Variants in RGS6 observed in about 807,000 individuals in gnomAD.
The protein encoded by RGS6 is regulator of G-protein signaling 6.
In RGS6, 30 loss-of-function variants were observed where a neutral mutation model predicts 78.5. That is an observed-to-expected ratio of 0.38 (90% CI 0.29 to 0.52). The LOEUF (loss-of-function observed/expected upper bound fraction) is 0.52. Among genes scored for constraint, RGS6 ranks in the 20% least tolerant of loss-of-function variants. The probability of loss-of-function intolerance (pLI) is 0.85; values close to 1 mark genes in which losing one functional copy is unlikely to be tolerated. For synonymous variants in RGS6, 206 were observed against 206.0 expected, an observed-to-expected ratio of 1.00 and a Z score of 0.00; for missense variants, 495 against 609.7, an observed-to-expected ratio of 0.81 and a Z score of 1.98.
intron 2 of RGS6, among the ~76,000 whole-genome samples, chr14:72,078,808 G>A (rs2094698128): frequency 6.6e-6 from 1 of 152,014 alleles, no homozygotes; most frequent in African/African-American, 2.4e-5. Flanking sequence ...CTGAATCCAA[G>A]CCTCCAACTT....
intron 15 of RGS6, among the ~76,000 whole-genome samples, chr14:72,527,381 G>A (rs1347463322): frequency 6.6e-6 from 1 of 152,224 alleles, no homozygotes; most frequent in Non-Finnish European, 1.5e-5. Flanking sequence ...TGTGAGAAGA[G>A]CGTGAGCTTT....
chr14:72,376,442 A>C (rs2084741102), intron 3 of RGS6, among the ~76,000 whole-genome samples: 1 of 152,198 alleles, frequency 6.6e-6, no homozygotes, highest in Non-Finnish European at 1.5e-5. Context: ...TATTTAATGA[A>C]ATAATACGTG....
intron 2 of RGS6, among the ~76,000 whole-genome samples, chr14:72,197,407 C>G (rs966951682): frequency 6.6e-6 from 1 of 152,054 alleles, no homozygotes; most frequent in Non-Finnish European, 1.5e-5. Context: ...GCCAGAGTGC[C>G]TAGCTCACAC....
At chr14:72,119,169 GA>G (rs2095984674) in intron 2 of RGS6, among the ~76,000 whole-genome samples, 1 of 152,182 alleles carries the variant, frequency 6.6e-6, no homozygotes, top group Non-Finnish European at 1.5e-5. Flanking sequence ...ATGTAAAAAG[GA>G]AGGGAAGGAA....
chr14:72,171,438 C>T (rs1346585215), intron 2 of RGS6, among the ~76,000 whole-genome samples: 55 of 152,214 alleles, frequency 3.6e-4, no homozygotes, highest in Non-Finnish European at 1.0e-4. Context: ...TCAGTCTGTA[C>T]TAGCAATAGT....
At chr14:72,220,961 A>G (rs1446432474) in intron 2 of RGS6, among the ~76,000 whole-genome samples, 1 of 152,196 alleles carries the variant, frequency 6.6e-6, no homozygotes, top group Admixed American at 6.5e-5. Flanking sequence ...CAACCTCCCT[A>G]AATCCTCCTT....
chr14:72,563,654 T>G lies in RGS6; in HGVS notation c.*1187T>G, dbSNP rs979061608. On this transcript the variant is annotated 3_prime_UTR_variant, in exon 18 of 18. Coordinates refer to ENST00000553525, the MANE Select transcript of RGS6 (RefSeq NM_001204424.2). ...AAAAGATCCACCTGTATTCCCTGTGTGTGTGTGTCAAAATGACCATTTGCC... is the reference window on the plus strand; with the variant it reads ...AAAAGATCCACCTGTATTCCCTGTGGGTGTGTGTCAAAATGACCATTTGCC... 7 of 152,300 alleles carry G rather than the reference T, an allele frequency of 4.6e-5. No individual in the cohort carries two copies. Among genetic ancestry groups the G allele is most frequent in the Non-Finnish European group, 1.0e-4 (7 of 68,078 alleles). 9.4% of individuals were successfully genotyped at this position (152,300 alleles called of 1,614,324 possible).
At chr14:71,982,418 A>T (rs138076875) in intron 2 of RGS6, among the ~76,000 whole-genome samples, 13 of 152,200 alleles carry the variant, frequency 8.5e-5, no homozygotes, top group African/African-American at 2.9e-4. Flanking sequence ...GAACTTAACT[A>T]TTTTTTTCTT....
At chr14:72,114,329 T>G (rs1376158499) in intron 2 of RGS6, among the ~76,000 whole-genome samples, 1 of 152,178 alleles carries the variant, frequency 6.6e-6, no homozygotes, top group Non-Finnish European at 1.5e-5. Context: ...CCTGCCAGTC[T>G]CTCTTTGTTT....
chr14:72,277,052 C>T (rs1384613029), intron 2 of RGS6, among the ~76,000 whole-genome samples: 1 of 152,140 alleles, frequency 6.6e-6, no homozygotes, highest in Non-Finnish European at 1.5e-5. Flanking sequence ...GGTATTCAAT[C>T]CATACATATT....
chr14:72,488,204 G>A (rs1435868816), intron 12 of RGS6, among the ~76,000 whole-genome samples: 7 of 152,116 alleles, frequency 4.6e-5, no homozygotes, highest in South Asian at 4.1e-4. Flanking sequence ...TTAGTTGCTC[G>A]TAATGACTTT....
At chr14:72,623,925 A>G in the RGS6 span, among the ~76,000 whole-genome samples, 1 of 152,070 alleles carries the variant, frequency 6.6e-6, no homozygotes, top group Admixed American at 6.5e-5. Context: ...TACATATTAC[A>G]AAGTAAGGAA....
chr14:72,166,083 C>T (rs1467959088), intron 2 of RGS6, among the ~76,000 whole-genome samples: 1 of 141,798 alleles, frequency 7.1e-6, no homozygotes, highest in African/African-American at 2.7e-5. Flanking sequence ...CCTTCTAGTC[C>T]CATTTTTGAG....
chr14:72,018,954 T>C (rs1352897246), intron 2 of RGS6, among the ~76,000 whole-genome samples: 1 of 152,170 alleles, frequency 6.6e-6, no homozygotes, highest in Non-Finnish European at 1.5e-5. Flanking sequence ...TGAGTGTGAA[T>C]GTGTGTCTTC....
chr14:72,142,914 A>T (rs1219062958), intron 2 of RGS6, among the ~76,000 whole-genome samples: 1 of 152,212 alleles, frequency 6.6e-6, no homozygotes, highest in Non-Finnish European at 1.5e-5. Flanking sequence ...TCAGATGGAT[A>T]TAAATTAGTA....
At chr14:71,910,669 T>TG in the RGS6 span, among the ~76,000 whole-genome samples, 1 of 152,060 alleles carries the variant, frequency 6.6e-6, no homozygotes, top group Non-Finnish European at 1.5e-5. Context: ...ACAGCAGCAT[T>TG]GGGTAAAGAG....
intron 2 of RGS6, among the ~76,000 whole-genome samples, chr14:72,316,456 G>A (rs759588171): frequency 1.1e-3 from 164 of 152,140 alleles, no homozygotes; most frequent in Non-Finnish European, 1.4e-3. Flanking sequence ...CTCATCATTC[G>A]TGTCCCACCT....
At chr14:72,471,288 G>A (rs2096071433) in intron 8 of RGS6, among the ~76,000 whole-genome samples, 1 of 152,102 alleles carries the variant, frequency 6.6e-6, no homozygotes, top group African/African-American at 2.4e-5. Flanking sequence ...GGTACTCTAT[G>A]TTCCCCACCC....
intron 13 of RGS6, among the ~76,000 whole-genome samples, chr14:72,498,743 G>C (rs140230118): frequency 6.5e-4 from 99 of 152,264 alleles, no homozygotes; most frequent in African/African-American, 2.4e-3. Flanking sequence ...GCATACTGGG[G>C]TGGCTCTGGG....
Sources: gnomAD v4.1 joint callset for allele counts (sites outside exome capture counted in the v4.1 genomes callset) on GRCh38, gnomAD v4.1.1 for gene constraint, MANE v1.5 for transcripts, NCBI Gene and HGNC (gene_info 2026-07-23, HGNC 2026-07-21) for gene names.